Variants in IRS1 observed in about 807,000 individuals in gnomAD.
IRS1 encodes the protein insulin receptor substrate 1.
IRS1 carries 34 observed loss-of-function variants against 65.6 expected under a neutral mutation model. The ratio of observed to expected loss-of-function variants is 0.52; its 90% CI spans 0.39 to 0.69. The LOEUF (loss-of-function observed/expected upper bound fraction) is 0.69. IRS1 is among the 30% of genes least tolerant of loss of function. The probability of loss-of-function intolerance (pLI) is 0.00; values close to 1 mark genes in which losing one functional copy is unlikely to be tolerated. For synonymous variants in IRS1, 699 were observed against 683.5 expected, an observed-to-expected ratio of 1.02 and a Z score of -0.35; for missense variants, 1,641 against 1,720.2, an observed-to-expected ratio of 0.95 and a Z score of 0.81.
At chr2:226,746,899 C>T (rs534133104) in intron 1 of IRS1, among the ~76,000 whole-genome samples, 10 of 150,910 alleles carry the variant, frequency 6.6e-5, no homozygotes, top group Admixed American at 5.3e-4. Context: ...GAGCGATTCT[C>T]CTGCCTCAGC....
intron 1 of IRS1, among the ~76,000 whole-genome samples, chr2:226,757,171 A>C (rs970935666): frequency 1.3e-5 from 2 of 152,140 alleles, no homozygotes; most frequent in Non-Finnish European, 2.9e-5. Context: ...CAAGTCATAC[A>C]ACATCTGAGG....
Position 226,795,799 on chromosome 2 carries a change from C to T in IRS1, c.2940G>A (p.Arg980=), listed in dbSNP as rs755401943. ...PGAASICRPT[R]AVPSSRGDYM... Reference sequence around the variant, plus strand: ...AGTCACCCCGGCTGCTGGGCACTGCCCGGGTAGGCCTGCAAATGCTAGCAG... The same window carrying T: ...AGTCACCCCGGCTGCTGGGCACTGCTCGGGTAGGCCTGCAAATGCTAGCAG... Residue 980 remains arginine, a synonymous_variant, in exon 1 of 2, where the codon CGG becomes CGA. Transcript: ENST00000305123. 2 of 1,613,060 alleles carry T rather than the reference C, an allele frequency of 1.2e-6. No individual in the cohort carries two copies. Among genetic ancestry groups the T allele is most frequent in the Non-Finnish European group, 1.7e-6 (2 of 1,179,812 alleles).
At chr2:226,787,681 G>A (rs1172817088) in intron 1 of IRS1, among the ~76,000 whole-genome samples, 2 of 152,140 alleles carry the variant, frequency 1.3e-5, no homozygotes, top group Non-Finnish European at 2.9e-5. Flanking sequence ...GAAATGGGTG[G>A]TGGGCTTGAA....
chr2:226,794,129 G>A lies in IRS1; in HGVS notation c.*21+860C>T, dbSNP rs970907226. 1.3e-5 allele frequency among the ~76,000 whole-genome samples: 2 copies of A among 152,084 alleles called. No homozygotes were observed. The highest frequency in any genetic ancestry group is 4.8e-5 in the African/African-American group (2 of 41,390). On this transcript the variant is annotated intron_variant, in intron 1 of 1. Coordinates refer to ENST00000305123, the MANE Select transcript of IRS1 (RefSeq NM_005544.3). This position sits in a 1 kb window ranked among gnomAD's most constrained non-coding sequence, Gnocchi z 4.1. ...GTAATTTTACAGAAGATATATAGTAGCCCCCAAATGATATCTGTAATGTCT... is the reference window on the plus strand; with the variant it reads ...GTAATTTTACAGAAGATATATAGTAACCCCCAAATGATATCTGTAATGTCT...
chr2:226,758,911 G>T (rs563646734), intron 1 of IRS1, among the ~76,000 whole-genome samples: 1 of 152,308 alleles, frequency 6.6e-6, no homozygotes, highest in African/African-American at 2.4e-5. Flanking sequence ...TGTCTTTCAA[G>T]ACCTTCTTGT....
intron 1 of IRS1, among the ~76,000 whole-genome samples, chr2:226,740,280 C>T (rs1003035765): frequency 1.3e-5 from 2 of 152,178 alleles, no homozygotes; most frequent in African/African-American, 4.8e-5. Context: ...TCTACTATGT[C>T]CTTCTGCGTG....
rs372944422 is a variant in IRS1 at position 226,797,000 on chromosome 2, C to A, written c.1739G>T (p.Arg580Leu). The A allele has an allele frequency of 9.4e-6, 15 of 1,597,874 alleles. No homozygotes were observed. The highest frequency in any genetic ancestry group is 1.3e-5 in the Non-Finnish European group (15 of 1,170,080). The change falls in exon 1 of 2, where the codon CGC becomes CTC. Residue 580 changes from arginine (R) to leucine (L), a missense_variant. Physicochemically the swap from Arg to Leu is moderately radical, Grantham distance 102 (BLOSUM62 -2). Transcript: ENST00000305123. Reference sequence around the variant, plus strand: ...TTCCAGACCCTCCTCTGGGTAGGAGCGGGTGGGCACGAAGGCGGAGTGCCT... The same window carrying A: ...TTCCAGACCCTCCTCTGGGTAGGAGAGGGTGGGCACGAAGGCGGAGTGCCT... Reference protein sequence around the residue: ...GHRHSAFVPTRSYPEEGLEMH... With the variant: ...GHRHSAFVPTLSYPEEGLEMH...
chr2:226,741,926 A>G (rs918334623), intron 1 of IRS1, among the ~76,000 whole-genome samples: 1 of 152,004 alleles, frequency 6.6e-6, no homozygotes, highest in Admixed American at 6.6e-5. Context: ...ATAAAATCCC[A>G]CTATAAAATC....
intron 1 of IRS1, among the ~76,000 whole-genome samples, chr2:226,790,521 C>G (rs1385067637): frequency 1.3e-5 from 2 of 152,140 alleles, no homozygotes; most frequent in Non-Finnish European, 2.9e-5. Flanking sequence ...ATTAGCTGCT[C>G]AAACTTTTCT....
intron 1 of IRS1, among the ~76,000 whole-genome samples, chr2:226,793,602 AC>A (rs755575499): frequency 1.8e-4 from 27 of 152,248 alleles, no homozygotes; most frequent in Non-Finnish European, 4.0e-4. Context: ...AATTAAGAAG[AC>A]TATGAACACA....
chr2:226,797,011 G>A lies in IRS1; in HGVS notation c.1728C>T (p.Phe576=), dbSNP rs770541402. Residue 576 remains phenylalanine, a synonymous_variant, in exon 1 of 2, where the codon TTC becomes TTT. Coordinates refer to ENST00000305123, the MANE Select transcript of IRS1 (RefSeq NM_005544.3). This position sits in a 1 kb window ranked among gnomAD's most constrained non-coding sequence, Gnocchi z 8.1. The part of the protein sequence containing the change: ...GRLPGHRHSA[F]VPTRSYPEEG... ...CCTCTGGGTAGGAGCGGGTGGGCAC[G>A]AAGGCGGAGTGCCTGTGTCCCGGCA... is the stretch of plus-strand genomic sequence containing the variant. The A allele has an allele frequency of 1.2e-5, 20 of 1,602,246 alleles. No homozygotes were observed. Among genetic ancestry groups the A allele is most frequent in the Non-Finnish European group, 1.5e-5 (17 of 1,172,322 alleles).
At chr2:226,748,461 A>G (rs566491362) in intron 1 of IRS1, among the ~76,000 whole-genome samples, 3 of 151,876 alleles carry the variant, frequency 2.0e-5, no homozygotes, top group African/African-American at 7.2e-5. Context: ...CCAAACCAAA[A>G]TGTTAAATAT....
In IRS1 at chr2:226,795,555, C is replaced by G; in HGVS notation, c.3184G>C (p.Gly1062Arg). 6.2e-7 allele frequency: 1 copy of G among 1,613,126 alleles called. No individual in the cohort carries two copies. Among genetic ancestry groups the G allele is most frequent in the South Asian group, 1.1e-5 (1 of 91,070 alleles). ...CTCATGCCCCCAGGTCCTTGTGGGCCCCCCAGCAGGGACGAGTGGGCAGCC... is the reference window on the plus strand; with the variant it reads ...CTCATGCCCCCAGGTCCTTGTGGGCGCCCCAGCAGGGACGAGTGGGCAGCC... ...ELAAHSSLLGGPQGPGGMSAF... is the reference protein window; with the variant it reads ...ELAAHSSLLGRPQGPGGMSAF... The change falls in exon 1 of 2, where the codon GGC (glycine) becomes CGC (arginine). Residue 1062 changes from glycine to arginine, a missense_variant. Physicochemically the swap from Gly to Arg is moderately radical, Grantham distance 125. Transcript: ENST00000305123.
intron 1 of IRS1, among the ~76,000 whole-genome samples, chr2:226,754,415 G>A (rs1288360240): frequency 6.6e-6 from 1 of 152,170 alleles, no homozygotes; most frequent in Admixed American, 6.5e-5. Flanking sequence ...TTACACGTTA[G>A]GCACTACGTG....
In IRS1 at chr2:226,798,315, G is replaced by A; in HGVS notation, c.424C>T (p.Leu142Phe). ...GGGSCSGSSGLGEAGEDLSYG... is the reference protein window; with the variant it reads ...GGGSCSGSSGFGEAGEDLSYG... Reference sequence around the variant, plus strand: ...CTCAAGTCCTCCCCAGCCTCACCAAGGCCGGAGCTGCCGCTGCAGCTGCCC... The same window carrying A: ...CTCAAGTCCTCCCCAGCCTCACCAAAGCCGGAGCTGCCGCTGCAGCTGCCC... The change falls in exon 1 of 2, where the codon CTT becomes TTT. Residue 142 changes from leucine to phenylalanine, a missense_variant. Physicochemically the swap from Leu to Phe is conservative, Grantham distance 22. Around this residue, in one of 3 missense-constraint regions of IRS1, gnomAD observed 240 missense variants for 229.6 expected, o/e 1.05. Coordinates refer to ENST00000305123, the MANE Select transcript of IRS1 (RefSeq NM_005544.3). This position sits in a 1 kb window ranked among gnomAD's most constrained non-coding sequence, Gnocchi z 9.4. The A allele has an allele frequency of 6.2e-7, 1 of 1,613,208 alleles. No individual in the cohort carries two copies. The highest frequency in any genetic ancestry group is 8.5e-7 in the Non-Finnish European group (1 of 1,179,882).
chr2:226,774,799 T>G (rs1024752953), intron 1 of IRS1, among the ~76,000 whole-genome samples: 1 of 152,204 alleles, frequency 6.6e-6, no homozygotes, highest in Non-Finnish European at 1.5e-5. Context: ...TGTGGATGAA[T>G]CTTAACTGCA....
intron 1 of IRS1, among the ~76,000 whole-genome samples, chr2:226,754,244 C>T (rs1347330561): frequency 6.6e-6 from 1 of 152,178 alleles, no homozygotes; most frequent in African/African-American, 2.4e-5. Flanking sequence ...TAGTATCCTC[C>T]TCCCTCCCAG....
intron 1 of IRS1, among the ~76,000 whole-genome samples, chr2:226,780,121 G>A (rs967286466): frequency 9.9e-5 from 15 of 152,156 alleles, no homozygotes; most frequent in Non-Finnish European, 1.5e-4. Flanking sequence ...AGCCGGGTGC[G>A]GTGGCTCATG....
chr2:226,756,487 A>G (rs1249482800), intron 1 of IRS1, among the ~76,000 whole-genome samples: 1 of 152,246 alleles, frequency 6.6e-6, no homozygotes, highest in Non-Finnish European at 1.5e-5. Flanking sequence ...AAGAAAAAAA[A>G]CAAACTAACA....
Sources: gnomAD v4.1 joint callset for allele counts (sites outside exome capture counted in the v4.1 genomes callset) on GRCh38, gnomAD v4.1.1 for gene constraint, gnomAD v4.1.1 regional missense constraint, Gnocchi (gnomAD v3.1) non-coding constraint, MANE v1.5 for transcripts, NCBI Gene and HGNC (gene_info 2026-07-23, HGNC 2026-07-21) for gene names.